Variants in ANKMY2 observed in about 807,000 individuals in gnomAD.
ANKMY2 encodes the protein ankyrin repeat and MYND domain containing 2, also known as ankyrin repeat and MYND domain-containing protein 2.
ANKMY2 carries 36 observed loss-of-function variants against 50.4 expected under a neutral mutation model. That is an observed-to-expected ratio of 0.71 (90% CI 0.55 to 0.94). The LOEUF (loss-of-function observed/expected upper bound fraction) is 0.94. Ranked by LOEUF, ANKMY2 falls within the 40% of genes least tolerant of loss-of-function variation. The pLI is 0.00. For missense variants in ANKMY2, 565 were observed against 524.0 expected, an observed-to-expected ratio of 1.08 and a Z score of -0.76; for synonymous variants, 187 against 178.8, an observed-to-expected ratio of 1.05 and a Z score of -0.36.
chr7:16,643,741 AGGCCCAGT>A (rs1255772833), intron 1 of ANKMY2, among the ~76,000 whole-genome samples: 1 of 151,788 alleles, frequency 6.6e-6, no homozygotes, highest in Admixed American at 6.5e-5. Flanking sequence ...ATGATGGGCC[AGGCCCAGT>A]GGCTCATGCC....
intron 5 of ANKMY2, among the ~76,000 whole-genome samples, chr7:16,615,061 T>C (rs1266615063): frequency 2.6e-5 from 4 of 152,220 alleles, no homozygotes; most frequent in Non-Finnish European, 2.9e-5. Context: ...TCTTGAAGTT[T>C]CCCAGTTAAG....
intron 4 of ANKMY2, among the ~76,000 whole-genome samples, chr7:16,619,895 A>G (rs183468571): frequency 1.3e-5 from 2 of 152,310 alleles, no homozygotes; most frequent in African/African-American, 4.8e-5. Context: ...TGAAAATCAA[A>G]TGCTCTTCCA....
At chr7:16,632,670 T>C (rs1781605570) in intron 2 of ANKMY2, among the ~76,000 whole-genome samples, 1 of 152,274 alleles carries the variant, frequency 6.6e-6, no homozygotes, top group South Asian at 2.1e-4. Flanking sequence ...ACATTTGGGT[T>C]GTATCTACCT....
At chr7:16,603,414 A>G (rs1781103237) in intron 8 of ANKMY2, 1 of 327,846 alleles carries the variant, frequency 3.1e-6, no homozygotes, top group African/African-American at 2.1e-5. Context: ...ACTGGAGAAA[A>G]TATCTAGTAC....
intron 6 of ANKMY2, 60 bp downstream of exon 6, chr7:16,610,489 T>A: frequency 7.3e-7 from 1 of 1,371,260 alleles, no homozygotes; most frequent in Non-Finnish European, 1.0e-6. Context: ...TAATGAGGCT[T>A]CATATTAAAA....
intron 3 of ANKMY2, 114 bp downstream of exon 3, chr7:16,626,926 C>T: frequency 1.1e-6 from 1 of 887,600 alleles, no homozygotes; most frequent in Non-Finnish European, 1.5e-6. Flanking sequence ...CATTCCTTTC[C>T]ATAAAACTTG....
intron 8 of ANKMY2, 152 bp from the exon 9 acceptor site, chr7:16,602,661 C>T: frequency 9.3e-7 from 1 of 1,075,694 alleles, no homozygotes; most frequent in Non-Finnish European, 1.3e-6. Context: ...TGGATGTTGT[C>T]CCCTCTAAAT....
intron 1 of ANKMY2, among the ~76,000 whole-genome samples, chr7:16,642,497 G>C (rs1781759501): frequency 6.6e-6 from 1 of 152,188 alleles, no homozygotes; most frequent in Non-Finnish European, 1.5e-5. Context: ...TTTCTGGAGA[G>C]CAGTGGCTGG....
intron 7 of ANKMY2, among the ~76,000 whole-genome samples, chr7:16,608,719 T>G (rs184668891): frequency 6.6e-6 from 1 of 152,028 alleles, no homozygotes; most frequent in Non-Finnish European, 1.5e-5. Flanking sequence ...ATAGAAAAGG[T>G]GGCTGGGCGC....
At chr7:16,617,897 T>G (rs954070312) in intron 4 of ANKMY2, among the ~76,000 whole-genome samples, 2 of 149,198 alleles carry the variant, frequency 1.3e-5, no homozygotes, top group Non-Finnish European at 3.0e-5. Context: ...GGGCCAGGAG[T>G]TGGAGGCTAC....
intron 2 of ANKMY2, 45 bp downstream of exon 2, chr7:16,636,346 T>G (rs1210477209): frequency 2.1e-6 from 2 of 958,232 alleles, no homozygotes; most frequent in Non-Finnish European, 3.2e-6. Context: ...ATATTATCTC[T>G]TCTTATAGGA....
chr7:16,604,622 G>T, intron 8 of ANKMY2, 99 bp downstream of exon 8: 1 of 1,443,202 alleles, frequency 6.9e-7, no homozygotes, highest in Non-Finnish European at 9.3e-7. Context: ...GAATTTATTA[G>T]AAAACTAATG....
Position 16,625,082 on chromosome 7 carries a change from C to T in ANKMY2, c.272-1G>A. 2 of 1,610,316 alleles carry T rather than the reference C, an allele frequency of 1.2e-6. No homozygotes were observed. The highest frequency in any genetic ancestry group is 1.7e-6 in the Non-Finnish European group (2 of 1,176,764). ...ATTACCCATGTGATGTCTTTATTAC[C>T]TAGAGTTTTAAAGGGAACACATTTG... On this transcript the variant is annotated splice_acceptor_variant, in intron 3 of 9. Transcript: ENST00000306999. LOFTEE classifies it high-confidence loss of function.
At chr7:16,629,924 A>G (rs1359295072) in intron 2 of ANKMY2, among the ~76,000 whole-genome samples, 3 of 152,180 alleles carry the variant, frequency 2.0e-5, no homozygotes, top group Non-Finnish European at 4.4e-5. Context: ...CTCCATAGAG[A>G]TATAAACCCA....
intron 8 of ANKMY2, among the ~76,000 whole-genome samples, chr7:16,602,841 C>G (rs909341547): frequency 1.3e-5 from 2 of 152,126 alleles, no homozygotes; most frequent in African/African-American, 4.8e-5. Flanking sequence ...GTGGCAACTC[C>G]CCCACCTCCT....
intron 5 of ANKMY2, among the ~76,000 whole-genome samples, chr7:16,611,731 T>C (rs751591548): frequency 6.6e-6 from 1 of 152,206 alleles, no homozygotes; most frequent in Non-Finnish European, 1.5e-5. Context: ...TTTCTTCTGA[T>C]TGATCCCCAC....
chr7:16,610,459 TTTAA>T (rs1464255045), intron 6 of ANKMY2, 86 bp downstream of exon 6: 2 of 1,109,256 alleles, frequency 1.8e-6, no homozygotes, highest in African/African-American at 1.6e-5. Flanking sequence ...TGCCAAAATG[TTTAA>T]TTTTGAAACA....
chr7:16,642,061 T>TAA (rs10687366), intron 1 of ANKMY2, among the ~76,000 whole-genome samples: 121,068 of 151,724 alleles, frequency 0.8, 48,438 homozygotes, highest in African/African-American at 0.83. Context: ...TGTATCTCAA[T>TAA]AGTTGGTAAG....
intron 1 of ANKMY2, among the ~76,000 whole-genome samples, chr7:16,638,536 G>A (rs925783454): frequency 6.6e-6 from 1 of 152,166 alleles, no homozygotes; most frequent in Non-Finnish European, 1.5e-5. Context: ...GAACTTCCAC[G>A]AGTTCAGCAA....
Sources: gnomAD v4.1 joint callset for allele counts (sites outside exome capture counted in the v4.1 genomes callset) on GRCh38, gnomAD v4.1.1 for gene constraint, MANE v1.5 for transcripts, NCBI Gene and HGNC (gene_info 2026-07-23, HGNC 2026-07-21) for gene names.